Variants in CERS6 observed in about 807,000 individuals in gnomAD.
CERS6 encodes ceramide synthase 6, also known as LAG1 homolog, ceramide synthase 6.
Under a neutral mutation model 56.8 loss-of-function variants are expected in CERS6, and 26 were observed. That is an observed-to-expected ratio of 0.46 (90% confidence interval 0.34 to 0.63). The LOEUF is 0.63. Ranked by LOEUF, CERS6 falls within the 30% of genes least tolerant of loss-of-function variation. CERS6 has a pLI of 0.01. For missense variants in CERS6, 415 were observed against 467.5 expected (o/e 0.89, Z 1.04); for synonymous variants, 164 against 173.3 (o/e 0.95, Z 0.42).
rs953046130 is a variant in CERS6, at chr2:168,770,612, T to G, written c.*950T>G. 3 of 152,400 alleles carry G rather than the reference T, an allele frequency of 2.0e-5. No individual in the cohort carries two copies. Among genetic ancestry groups the G allele is most frequent in the African/African-American group, 7.3e-5 (3 of 41,284 alleles). The allele number at this position is 152,400 out of a possible 1,614,324, so 9.4% of individuals were successfully genotyped here. A position where few individuals can be genotyped will look rare whatever the true frequency, so the allele number is the denominator to read the frequency against. ...TATAAAAGAAAGAAGTTAACTATATTTGGGGACAAAAAAATATTTCAAGAG... is the reference window on the plus strand; with the variant it reads ...TATAAAAGAAAGAAGTTAACTATATGTGGGGACAAAAAAATATTTCAAGAG... On this transcript the variant is annotated 3_prime_UTR_variant, in exon 10 of 10. Transcript: ENST00000305747.
chr2:168,470,695 G>C (rs971691281), intron 1 of CERS6, among the ~76,000 whole-genome samples: 1 of 151,696 alleles, frequency 6.6e-6, no homozygotes, highest in African/African-American at 2.4e-5. Context: ...ATTGCAAAGG[G>C]ACTAGGGAGA....
chr2:168,678,443 A>G (rs1177406985), intron 4 of CERS6, among the ~76,000 whole-genome samples: 1 of 151,786 alleles, frequency 6.6e-6, no homozygotes, highest in Non-Finnish European at 1.5e-5. Context: ...CAGCTGAAAA[A>G]CCCATTACCT....
At chr2:168,600,211 T>TCTCTCTCTC (rs1553497951) in intron 3 of CERS6, among the ~76,000 whole-genome samples, 3 of 86,992 alleles carry the variant, frequency 3.4e-5, no homozygotes, top group Admixed American at 1.1e-4. Context: ...TCTCTCTCTC[T>TCTCTCTCTC]TTTTTTTTTT....
chr2:168,650,747 AC>A (rs1472288383), intron 4 of CERS6, among the ~76,000 whole-genome samples: 1 of 151,850 alleles, frequency 6.6e-6, no homozygotes, highest in Non-Finnish European at 1.5e-5. Context: ...GCATTCATAT[AC>A]CCCTTCAATT....
At chr2:168,541,549 G>T (rs571007315) in intron 1 of CERS6, among the ~76,000 whole-genome samples, 1 of 151,702 alleles carries the variant, frequency 6.6e-6, no homozygotes, top group Non-Finnish European at 1.5e-5. Context: ...TCTCCTTAGA[G>T]TGGGTCATAT....
intron 8 of CERS6, among the ~76,000 whole-genome samples, chr2:168,752,717 C>G (rs1330889529): frequency 6.6e-6 from 1 of 152,210 alleles, no homozygotes; most frequent in African/African-American, 2.4e-5. Context: ...AGCTGAGGTT[C>G]TGCACACCGT....
At chr2:168,525,999 T>C (rs1179534301) in intron 1 of CERS6, among the ~76,000 whole-genome samples, 4 of 152,220 alleles carry the variant, frequency 2.6e-5, no homozygotes, top group African/African-American at 9.6e-5. Flanking sequence ...TTTAATACCA[T>C]TATGTCCACT....
At chr2:168,675,937 G>C (rs10165391) in intron 4 of CERS6, among the ~76,000 whole-genome samples, 141,737 of 152,102 alleles carry the variant, frequency 0.93, 66,092 homozygotes, top group East Asian at 0.96. Context: ...TGCCCACCTC[G>C]GCCTCCCAAA....
chr2:168,771,547 G>T lies in CERS6; in HGVS notation c.*1885G>T, dbSNP rs1424941659. 6.6e-6 allele frequency: 1 copy of T among 152,146 alleles called. No individual in the cohort carries two copies. The highest frequency in any genetic ancestry group is 2.4e-5 in the African/African-American group (1 of 41,446). 9.4% of individuals were successfully genotyped at this position (152,146 alleles called of 1,614,324 possible). On this transcript the variant is annotated 3_prime_UTR_variant, in exon 10 of 10. Transcript: ENST00000305747. ...GAGTTTGTAAGAACAATCATAAAAG[G>T]ACTTGTTAGTCTCCAGAACATCTGC...
intron 2 of CERS6, among the ~76,000 whole-genome samples, chr2:168,556,000 A>C (rs1166385214): frequency 6.6e-6 from 1 of 152,144 alleles, no homozygotes; most frequent in African/African-American, 2.4e-5. Flanking sequence ...TAAGATGTAC[A>C]ATACAATGTT....
intron 1 of CERS6, among the ~76,000 whole-genome samples, chr2:168,460,400 T>G (rs1432774662): frequency 6.6e-6 from 1 of 152,096 alleles, no homozygotes; most frequent in Non-Finnish European, 1.5e-5. Context: ...TCTCCCTGTG[T>G]TTCCCAGGCT....
intron 2 of CERS6, among the ~76,000 whole-genome samples, chr2:168,555,187 A>T (rs1044848381): frequency 1.3e-5 from 2 of 152,072 alleles, no homozygotes; most frequent in African/African-American, 4.8e-5. Context: ...TATAATTTTT[A>T]AAAATTAGGC....
chr2:168,643,837 A>T (rs1184756597), intron 4 of CERS6, among the ~76,000 whole-genome samples: 2 of 152,048 alleles, frequency 1.3e-5, no homozygotes, highest in Non-Finnish European at 2.9e-5. Context: ...TAATTTCTTC[A>T]TCTCGAGGTC....
intron 8 of CERS6, among the ~76,000 whole-genome samples, chr2:168,732,924 G>C (rs1384062991): frequency 6.6e-6 from 1 of 152,052 alleles, no homozygotes; most frequent in Non-Finnish European, 1.5e-5. Context: ...ACAATGCAAA[G>C]AGATAGATAA....
At chr2:168,733,599 A>G (rs192037609) in intron 8 of CERS6, among the ~76,000 whole-genome samples, 5 of 152,352 alleles carry the variant, frequency 3.3e-5, no homozygotes, top group Non-Finnish European at 2.9e-5. Flanking sequence ...TAGAGCCGTC[A>G]TTTAACCAAA....
intron 4 of CERS6, among the ~76,000 whole-genome samples, chr2:168,645,166 G>T (rs1173372932): frequency 1.6e-5 from 2 of 123,628 alleles, no homozygotes; most frequent in African/African-American, 6.1e-5. Context: ...GAGAGAGAGA[G>T]AGAGAGAGAG....
chr2:168,531,128 A>G (rs891500781), intron 1 of CERS6, among the ~76,000 whole-genome samples: 85 of 152,176 alleles, frequency 5.6e-4, no homozygotes, highest in Non-Finnish European at 4.4e-5. Context: ...GGAAGAGAGA[A>G]GAATGCAAGA....
intron 3 of CERS6, among the ~76,000 whole-genome samples, chr2:168,579,005 A>G (rs948688939): frequency 5.3e-5 from 8 of 152,186 alleles, no homozygotes; most frequent in Admixed American, 5.2e-4. Context: ...TTGGTTAAAT[A>G]TAATAAAGGT....
chr2:168,713,807 G>C (rs1330437733), intron 6 of CERS6, among the ~76,000 whole-genome samples: 1 of 151,986 alleles, frequency 6.6e-6, no homozygotes, highest in East Asian at 1.9e-4. Context: ...TGTTTGTGTA[G>C]GTCCTATCAG....
Sources: allele counts gnomAD v4.1 joint callset (sites outside exome capture counted in the v4.1 genomes callset), GRCh38; gene constraint gnomAD v4.1.1; transcripts MANE v1.5; gene names NCBI Gene and HGNC (gene_info 2026-07-23, HGNC 2026-07-21).